Variants in SCFD2 observed in about 807,000 individuals in gnomAD.
The protein encoded by SCFD2 is sec1 family domain-containing protein 2.
In SCFD2, 54 loss-of-function variants were observed where a neutral mutation model predicts 58.9. The observed-to-expected ratio is 0.92, with a 90% CI of 0.74 to 1.15. SCFD2 has a LOEUF of 1.15. Among genes scored for constraint, SCFD2 ranks in the 50% most tolerant of loss-of-function variants. The pLI, the probability that SCFD2 is intolerant of heterozygous loss-of-function variation, is 0.00. For synonymous variants in SCFD2, 321 were observed against 335.9 expected, an observed-to-expected ratio of 0.96 and a Z score of 0.49; for missense variants, 805 against 836.6, an observed-to-expected ratio of 0.96 and a Z score of 0.47.
intron 3 of SCFD2, among the ~76,000 whole-genome samples, chr4:53,296,222 C>A (rs1560433264): frequency 6.6e-6 from 1 of 152,142 alleles, no homozygotes; most frequent in African/African-American, 2.4e-5. Context: ...GTACCAGCTC[C>A]TCTTTGTAAC....
chr4:53,130,423 C>G (rs1725755046), intron 5 of SCFD2, among the ~76,000 whole-genome samples: 1 of 152,176 alleles, frequency 6.6e-6, no homozygotes, highest in Admixed American at 6.5e-5. Flanking sequence ...AAACCTGGTT[C>G]TTTAATGAAT....
At chr4:53,166,138 T>C (rs1025038206) in intron 4 of SCFD2, among the ~76,000 whole-genome samples, 1 of 152,236 alleles carries the variant, frequency 6.6e-6, no homozygotes, top group Non-Finnish European at 1.5e-5. Context: ...TATTCCACTG[T>C]ATGTATATAC....
chr4:53,163,014 G>A (rs1726900427), intron 4 of SCFD2, among the ~76,000 whole-genome samples: 2 of 152,136 alleles, frequency 1.3e-5, no homozygotes, highest in Non-Finnish European at 2.9e-5. Flanking sequence ...TACCTTATGA[G>A]AGTGACCAGC....
At chr4:53,335,623 T>C (rs1348667207) in intron 2 of SCFD2, among the ~76,000 whole-genome samples, 1 of 152,186 alleles carries the variant, frequency 6.6e-6, no homozygotes, top group African/African-American at 2.4e-5. Flanking sequence ...GTGATGGGCA[T>C]CATGTTAGCA....
chr4:53,227,898 G>A (rs1412657663), intron 4 of SCFD2, among the ~76,000 whole-genome samples: 1 of 152,192 alleles, frequency 6.6e-6, no homozygotes, highest in Non-Finnish European at 1.5e-5. Context: ...TAGAAGTGCA[G>A]TTTGACAATT....
Position 53,207,523 on chromosome 4 carries a change from AT to A in SCFD2, c.1312-61942del, listed in dbSNP as rs1233386850. Reference sequence around the variant, plus strand: ...TATATATATTATATATATTATATATATAATATTTATATATTATATATATAAT... The same window carrying A: ...TATATATATTATATATATTATATATAAATATTTATATATTATATATATAAT... On this transcript the variant is annotated intron_variant, in intron 4 of 8. Transcript: ENST00000401642. Among the ~76,000 whole-genome samples, 15 of 44,506 alleles carry A rather than the reference AT, an allele frequency of 3.4e-4. 4 individuals carry two copies. The highest frequency in any genetic ancestry group is 1.3e-3 in the East Asian group (2 of 1,574). The allele number at this position is 44,506 out of a possible 152,430, so 29.2% of individuals were successfully genotyped here.
At chr4:52,926,849 C>A (rs1719875754) in intron 5 of SCFD2, among the ~76,000 whole-genome samples, 1 of 152,178 alleles carries the variant, frequency 6.6e-6, no homozygotes, top group South Asian at 2.1e-4. Context: ...ATGACCTCCC[C>A]CATCCATCCA....
intron 2 of SCFD2, among the ~76,000 whole-genome samples, chr4:53,341,377 C>T (rs976989784): frequency 2.4e-4 from 37 of 151,954 alleles, no homozygotes; most frequent in African/African-American, 7.0e-4. Flanking sequence ...GTCAAATGAA[C>T]GAAATGAAGC....
chr4:53,204,062 T>A (rs148681330), intron 4 of SCFD2, among the ~76,000 whole-genome samples: 13 of 152,210 alleles, frequency 8.5e-5, no homozygotes, highest in African/African-American at 2.9e-4. Flanking sequence ...GTACTCTTTG[T>A]GGGAATATGT....
At chr4:53,332,009 A>C (rs564681088) in intron 2 of SCFD2, among the ~76,000 whole-genome samples, 2 of 152,338 alleles carry the variant, frequency 1.3e-5, no homozygotes, top group South Asian at 2.1e-4. Flanking sequence ...GAAATGGATA[A>C]ATTCCTTGCC....
chr4:53,130,829 T>A (rs989007585), intron 5 of SCFD2, among the ~76,000 whole-genome samples: 1 of 152,076 alleles, frequency 6.6e-6, no homozygotes, highest in Non-Finnish European at 1.5e-5. Context: ...GGTCGATAAC[T>A]AAAAGGAAGA....
chr4:53,351,080 C>CTCAG (rs1324687775), intron 2 of SCFD2, among the ~76,000 whole-genome samples: 1 of 152,158 alleles, frequency 6.6e-6, no homozygotes, highest in Admixed American at 6.5e-5. Context: ...GTCTCTTTGC[C>CTCAG]TCAGTTTCCT....
intron 5 of SCFD2, among the ~76,000 whole-genome samples, chr4:53,001,166 G>A (rs1259639951): frequency 6.6e-6 from 1 of 152,178 alleles, no homozygotes; most frequent in African/African-American, 2.4e-5. Context: ...GCTGTTTAGT[G>A]CTCATGTTGT....
intron 2 of SCFD2, among the ~76,000 whole-genome samples, chr4:53,326,374 C>A (rs1185827783): frequency 7.9e-5 from 12 of 152,124 alleles, no homozygotes; most frequent in Admixed American, 7.9e-4. Flanking sequence ...AACTCCTGGG[C>A]TCAAGTGATC....
At chr4:53,203,581 T>A (rs78054388) in intron 4 of SCFD2, among the ~76,000 whole-genome samples, 10,051 of 151,896 alleles carry the variant, frequency 0.066, 386 homozygotes, top group Middle Eastern at 0.12. Context: ...AAAAATAAAA[T>A]AAACTTGAAG....
intron 5 of SCFD2, among the ~76,000 whole-genome samples, chr4:53,122,105 G>A (rs538562476): frequency 1.2e-3 from 180 of 152,206 alleles, no homozygotes; most frequent in African/African-American, 4.2e-3. Flanking sequence ...GTCTGGGCGC[G>A]GTGGCTCATG....
At chr4:53,327,249 G>A (rs944600540) in intron 2 of SCFD2, among the ~76,000 whole-genome samples, 1 of 152,098 alleles carries the variant, frequency 6.6e-6, no homozygotes, top group African/African-American at 2.4e-5. Context: ...GGGCCCAAGA[G>A]GGTGGGTGGG....
chr4:52,881,630 G>C (rs1323240497), intron 8 of SCFD2, among the ~76,000 whole-genome samples: 2 of 152,190 alleles, frequency 1.3e-5, no homozygotes, highest in South Asian at 4.1e-4. Flanking sequence ...GCAAGTTCCT[G>C]TACGTGGTTC....
At chr4:53,256,373 C>A (rs192128176) in intron 4 of SCFD2, among the ~76,000 whole-genome samples, 2 of 151,046 alleles carry the variant, frequency 1.3e-5, no homozygotes, top group Non-Finnish European at 2.9e-5. Context: ...GGATGGCGGC[C>A]GGGCAGAGAC....
Sources: allele counts gnomAD v4.1 joint callset (sites outside exome capture counted in the v4.1 genomes callset), GRCh38; gene constraint gnomAD v4.1.1; transcripts MANE v1.5; gene names NCBI Gene and HGNC (gene_info 2026-07-23, HGNC 2026-07-21).